DMD: variants seen among roughly 807,000 people sequenced by gnomAD.
DMD encodes the protein dystrophin.
A neutral mutation model predicts 330.1 loss-of-function variants in DMD; 63 were observed. The ratio of observed to expected loss-of-function variants is 0.19; its 90% CI spans 0.16 to 0.24. The LOEUF (loss-of-function observed/expected upper bound fraction) is 0.24, where lower values mean the gene tolerates loss of function less well. DMD is among the 10% of genes least tolerant of loss of function. The pLI is 1.00. For synonymous variants in DMD, 1,223 were observed against 959.8 expected (o/e 1.27, Z -5.07); for missense variants, 3,344 against 2,684.1 (o/e 1.25, Z -5.43).
chrX:31,616,539 G>A (rs1369352210), intron 55 of DMD, among the ~76,000 whole-genome samples: 1 of 111,871 alleles, frequency 8.9e-6, no homozygotes, highest in Non-Finnish European at 1.9e-5. Flanking sequence ...GGTGTTTGAA[G>A]AGGGGAGTCA....
chrX:33,308,693 G>C (rs2053801367), intron 1 of DMD, among the ~76,000 whole-genome samples: 1 of 110,861 alleles, frequency 9.0e-6, no homozygotes, highest in African/African-American at 3.3e-5. Context: ...TAAAGGGTGA[G>C]CATACTTAGG....
chrX:31,444,737 T>C, intron 59 of DMD, 110 bp from the exon 60 acceptor site: 1 of 842,751 alleles, frequency 1.2e-6, no homozygotes, highest in Non-Finnish European at 1.7e-6. Context: ...GTTTGCTCTA[T>C]GCTACGGTTT....
intron 44 of DMD, among the ~76,000 whole-genome samples, chrX:32,184,433 A>C (rs2147500478): frequency 9.0e-6 from 1 of 111,482 alleles, no homozygotes; most frequent in African/African-American, 3.2e-5. Flanking sequence ...TTGTCTGTAT[A>C]GATGTAAATG....
chrX:32,699,348 A>C lies in DMD; in HGVS notation c.650-55T>G. ...TTTTGGTTTCTATATTTGAGACTCT[A>C]AAAGGATAATGAACAAATCAAAGTT... is the stretch of plus-strand genomic sequence containing the variant. On this transcript the variant is annotated intron_variant, in intron 7 of 78. Coordinates refer to ENST00000357033, the MANE Select transcript of DMD (RefSeq NM_004006.3). 3.2e-6 allele frequency: 3 copies of C among 949,211 alleles called. No homozygotes were observed. In the Admixed American group the frequency reaches 6.6e-5, roughly 21 times the overall value. 78.2% of individuals were successfully genotyped at this position (949,211 alleles called of 1,213,427 possible).
intron 7 of DMD, among the ~76,000 whole-genome samples, chrX:32,729,466 T>G (rs1329361532): frequency 8.9e-6 from 1 of 111,939 alleles, no homozygotes; most frequent in Non-Finnish European, 1.9e-5. Context: ...TGTATGTATC[T>G]TCTGCCTCTT....
chrX:31,267,502 G>T (rs2051278024), intron 62 of DMD, among the ~76,000 whole-genome samples: 1 of 111,952 alleles, frequency 8.9e-6, no homozygotes, highest in Non-Finnish European at 1.9e-5. Context: ...GCAGTTATCA[G>T]TATCACCTGC....
chrX:32,412,071 T>C (rs765110377), intron 29 of DMD, 158 bp from the exon 30 acceptor site: 1 of 1,181,808 alleles, frequency 8.5e-7, no homozygotes, highest in Admixed American at 2.3e-5. Flanking sequence ...GCTCTGTTGA[T>C]AGAAAAAAAA....
At chrX:31,155,405 T>A (rs1013465714) in intron 74 of DMD, among the ~76,000 whole-genome samples, 27 of 112,427 alleles carry the variant, frequency 2.4e-4, no homozygotes, top group Non-Finnish European at 4.5e-4. Context: ...TTTAACTGTA[T>A]ACCAAAGCAT....
chrX:32,033,611 A>AAGAG (rs1195372476), intron 44 of DMD, among the ~76,000 whole-genome samples: 10 of 49,152 alleles, frequency 2.0e-4, no homozygotes, highest in Non-Finnish European at 2.7e-4. Context: ...GACAGAAAGA[A>AAGAG]AGAAAGAAAG....
chrX:32,286,723 G>T (rs759300686), intron 43 of DMD, among the ~76,000 whole-genome samples: 1 of 111,463 alleles, frequency 9.0e-6, no homozygotes, highest in African/African-American at 3.3e-5. Flanking sequence ...AGTAAACCAA[G>T]AACTAAAATA....
At chrX:32,636,638 T>C (rs1304831367) in intron 11 of DMD, among the ~76,000 whole-genome samples, 2 of 111,940 alleles carry the variant, frequency 1.8e-5, no homozygotes, top group African/African-American at 6.5e-5. Context: ...ACATTTATTT[T>C]CATTTTGAAA....
chrX:32,842,388 G>T (rs186000086), intron 4 of DMD, among the ~76,000 whole-genome samples: 10 of 112,158 alleles, frequency 8.9e-5, no homozygotes, highest in Admixed American at 6.6e-4. Context: ...TTTGCTCATT[G>T]TAATAGTGTA....
At chrX:32,487,070 A>G (rs1184767588) in intron 20 of DMD, among the ~76,000 whole-genome samples, 2 of 111,022 alleles carry the variant, frequency 1.8e-5, no homozygotes, top group East Asian at 5.7e-4. Flanking sequence ...GGCAACCTAC[A>G]AAATGGGAGA....
chrX:31,493,743 A>C (rs988755224), intron 57 of DMD, among the ~76,000 whole-genome samples: 1 of 112,280 alleles, frequency 8.9e-6, no homozygotes. Context: ...TTTTTTACAC[A>C]GATTATTCTG....
At chrX:31,688,670 A>G (rs1170683057) in intron 52 of DMD, among the ~76,000 whole-genome samples, 1 of 111,665 alleles carries the variant, frequency 9.0e-6, no homozygotes, top group East Asian at 2.8e-4. Flanking sequence ...CAACAAAAAA[A>G]GAGAATTTTA....
intron 45 of DMD, among the ~76,000 whole-genome samples, chrX:31,936,859 AT>A (rs1251003433): frequency 1.8e-5 from 2 of 110,794 alleles, no homozygotes; most frequent in Non-Finnish European, 3.8e-5. Flanking sequence ...AGAAACTGAT[AT>A]TTTTTCCCCC....
rs1052554012 is a variant in DMD, at chrX:32,454,865, T to C, written c.3433-33A>G. 12 of 1,188,510 alleles carry C rather than the reference T, an allele frequency of 1.0e-5. No homozygotes were observed. The East Asian group carries it at 2.1e-4, about 21-fold the overall frequency. Reference sequence around the variant, plus strand: ...AAAACAAACAAACAAAACACGATTATTGACAGTGATGAAACATTATTATTA... The same window carrying C: ...AAAACAAACAAACAAAACACGATTACTGACAGTGATGAAACATTATTATTA... On this transcript the variant is annotated intron_variant, in intron 25 of 78. Transcript: ENST00000357033.
intron 1 of DMD, among the ~76,000 whole-genome samples, chrX:33,303,427 T>A (rs912439577): frequency 9.0e-6 from 1 of 111,496 alleles, no homozygotes; most frequent in African/African-American, 3.3e-5. Flanking sequence ...ATAATACAAA[T>A]TCAGAAGTTT....
At chrX:32,825,069 A>G (rs1165438580) in intron 4 of DMD, among the ~76,000 whole-genome samples, 1 of 112,033 alleles carries the variant, frequency 8.9e-6, no homozygotes, top group Non-Finnish European at 1.9e-5. Context: ...AAGAGCATGT[A>G]AAAGTAAAAA....
Sources: allele counts gnomAD v4.1 joint callset (sites outside exome capture counted in the v4.1 genomes callset), GRCh38; gene constraint gnomAD v4.1.1; transcripts MANE v1.5; gene names NCBI Gene and HGNC (gene_info 2026-07-23, HGNC 2026-07-21).